Variants in RPN2 observed in about 807,000 individuals in gnomAD.
RPN2 encodes the protein ribophorin II, also known as dolichyl-diphosphooligosaccharide--protein glycosyltransferase subunit 2.
Under a neutral mutation model 71.4 loss-of-function variants are expected in RPN2, and 29 were observed. The ratio of observed to expected loss-of-function variants is 0.41; its 90% CI spans 0.30 to 0.55. The LOEUF (loss-of-function observed/expected upper bound fraction) is 0.55. Ranked by LOEUF, RPN2 falls within the 20% of genes least tolerant of loss-of-function variation. The pLI, the probability that RPN2 is intolerant of heterozygous loss-of-function variation, is 0.35. For missense variants in RPN2, 726 were observed against 774.1 expected, an observed-to-expected ratio of 0.94 and a Z score of 0.74; for synonymous variants, 308 against 305.0, an observed-to-expected ratio of 1.01 and a Z score of -0.10.
At chr20:37,201,059 C>T (rs989768651) in intron 4 of RPN2, among the ~76,000 whole-genome samples, 3 of 151,856 alleles carry the variant, frequency 2.0e-5, no homozygotes, top group Admixed American at 2.0e-4. Context: ...TGAGCCTTGC[C>T]TTTAAAATGA....
At chr20:37,229,869 C>G (rs1190994943) in intron 12 of RPN2, 104 bp from the exon 13 acceptor site, 1 of 906,326 alleles carries the variant, frequency 1.1e-6, no homozygotes, top group Admixed American at 1.8e-5. Context: ...CTGCCTGGAG[C>G]TTTTTTCAGT....
Position 37,213,807 on chromosome 20 carries a change from A to T in RPN2, c.1034A>T (p.Tyr345Phe), listed in dbSNP as rs200791201. ...NFMNVKFSSG[Y>F]YDFLVEVEGD... ...ATGAACGTCAAATTTTCCAGTGGTT[A>T]TTATGACTTCCTTGTCGAAGTTGAA... Residue 345 changes from tyrosine (Y) to phenylalanine (F), a missense_variant, in exon 9 of 17, where the codon TAT becomes TTT. Coordinates refer to ENST00000237530, the MANE Select transcript of RPN2 (RefSeq NM_002951.5). 4 of 1,614,052 alleles carry T rather than the reference A, an allele frequency of 2.5e-6. No homozygotes were observed. Among genetic ancestry groups the T allele is most frequent in the Non-Finnish European group, 3.4e-6 (4 of 1,180,006 alleles).
chr20:37,199,126 A>G lies in RPN2; in HGVS notation c.380A>G (p.His127Arg), dbSNP rs370382737. 5 of 1,614,152 alleles carry G rather than the reference A, an allele frequency of 3.1e-6. No homozygotes were observed. The South Asian group carries it at 3.3e-5, about 11-fold the overall frequency. ...SEDSSVTQIY[H>R]AVAALSGFGL... is the part of the protein sequence containing the mutation. The stretch of plus-strand genomic sequence containing the variant: ...GACTCATCTGTTACCCAGATCTACC[A>G]TGCAGTTGCAGCTCTAAGTGGCTTT... The change falls in exon 4 of 17, where the codon CAT (histidine) becomes CGT (arginine). Residue 127 changes from histidine (H) to arginine (R), a missense_variant. By Grantham distance (29) the His-to-Arg change is conservative. Coordinates refer to ENST00000237530, the MANE Select transcript of RPN2 (RefSeq NM_002951.5).
chr20:37,179,452 G>A lies in RPN2; in HGVS notation c.13+83G>A, dbSNP rs1205818797. 2.1e-6 allele frequency: 3 copies of A among 1,425,362 alleles called. No homozygotes were observed. In the Admixed American group the frequency reaches 7.6e-5, roughly 36 times the overall value. 88.3% of individuals were successfully genotyped at this position (1,425,362 alleles called of 1,614,324 possible). A position where few individuals can be genotyped will look rare whatever the true frequency, so the allele number is the denominator to read the frequency against. ...CGCCGCTCGAGAGCCGGCCAGGCGG[G>A]ATCCCCTTCCCCTGCGGGACAGGGG... On this transcript the variant is annotated intron_variant, in intron 1 of 16. Transcript: ENST00000237530.
At chr20:37,209,734 C>T (rs1433542359) in intron 7 of RPN2, among the ~76,000 whole-genome samples, 6 of 152,040 alleles carry the variant, frequency 3.9e-5, no homozygotes, top group Non-Finnish European at 7.4e-5. Context: ...CCTCCTGACT[C>T]AGCCTCCCAA....
chr20:37,220,177 G>A (rs2067915699), intron 9 of RPN2, among the ~76,000 whole-genome samples: 1 of 151,778 alleles, frequency 6.6e-6, no homozygotes. Context: ...TTAGAGGTGT[G>A]TGTGTTTGTG....
rs558720675 is a variant in RPN2 at position 37,212,131 on chromosome 20, A to G, written c.987-1629A>G. On this transcript the variant is annotated intron_variant, in intron 8 of 16. Coordinates refer to ENST00000237530, the MANE Select transcript of RPN2 (RefSeq NM_002951.5). ...TGTAATTTTTTAAAAACTAAGGCCC[A>G]GTTTACTGGGTGTGTGGCTTGCCTA... Among the ~76,000 whole-genome samples, 365 of 152,150 alleles carry G rather than the reference A, an allele frequency of 2.4e-3. 2 individuals carry two copies. Among genetic ancestry groups the G allele is most frequent in the African/African-American group, 8.4e-3 (348 of 41,524 alleles).
intron 2 of RPN2, among the ~76,000 whole-genome samples, chr20:37,185,521 C>G (rs978633477): frequency 3.3e-5 from 5 of 152,166 alleles, no homozygotes; most frequent in African/African-American, 1.2e-4. Flanking sequence ...CCAAGTTTCT[C>G]ATATCTGCCT....
intron 4 of RPN2, among the ~76,000 whole-genome samples, chr20:37,202,941 T>C (rs1223849773): frequency 2.0e-5 from 3 of 152,160 alleles, no homozygotes; most frequent in Non-Finnish European, 4.4e-5. Flanking sequence ...TCTATTTTTT[T>C]TGGAGACAGG....
At chr20:37,215,644 T>C (rs557138234) in intron 9 of RPN2, among the ~76,000 whole-genome samples, 8 of 152,300 alleles carry the variant, frequency 5.3e-5, no homozygotes, top group African/African-American at 1.9e-4. Flanking sequence ...TTCTACCTTC[T>C]AGTCAGTTAC....
chr20:37,238,544 C>T (rs981951220), intron 16 of RPN2: 8 of 880,094 alleles, frequency 9.1e-6, no homozygotes, highest in Non-Finnish European at 1.5e-5. Flanking sequence ...TTTCAGCCCA[C>T]TTGCTCCTCC....
intron 16 of RPN2, among the ~76,000 whole-genome samples, chr20:37,237,909 C>T (rs1261211086): frequency 6.6e-6 from 1 of 152,162 alleles, no homozygotes. Flanking sequence ...AGAATGAAAT[C>T]TGCCCGCCAT....
At chr20:37,213,909 A>G (rs2067741959) in intron 9 of RPN2, 44 bp downstream of exon 9, 1 of 1,379,970 alleles carries the variant, frequency 7.2e-7, no homozygotes, top group South Asian at 1.2e-5. Flanking sequence ...TAGTATATCC[A>G]AGGATATGGC....
At chr20:37,231,820 G>T (rs1467483173) in intron 13 of RPN2, among the ~76,000 whole-genome samples, 1 of 152,112 alleles carries the variant, frequency 6.6e-6, no homozygotes, top group Non-Finnish European at 1.5e-5. Flanking sequence ...CTGTAGGGAG[G>T]CTCTGTTACC....
intron 2 of RPN2, among the ~76,000 whole-genome samples, chr20:37,189,317 GTGTGTA>G (rs58699254): frequency 0.39 from 30,610 of 78,668 alleles, 3,533 homozygotes; most frequent in Middle Eastern, 0.52. Flanking sequence ...CAAACTGTGT[GTGTGTA>G]TGTGTGTGTG....
chr20:37,186,216 A>G (rs1568960058), intron 2 of RPN2, among the ~76,000 whole-genome samples: 1 of 152,270 alleles, frequency 6.6e-6, no homozygotes, highest in Non-Finnish European at 1.5e-5. Flanking sequence ...TTGTAAGGTC[A>G]GCTGACTTGG....
chr20:37,212,840 T>C (rs377442637), intron 8 of RPN2, among the ~76,000 whole-genome samples: 44 of 152,242 alleles, frequency 2.9e-4, no homozygotes, highest in African/African-American at 1.1e-3. Context: ...TTTTCAATTT[T>C]AGAGAGAAAA....
Position 37,225,725 on chromosome 20 carries a change from G to A in RPN2, c.1222G>A (p.Ala408Thr), listed in dbSNP as rs575988788. 5.0e-6 allele frequency: 8 copies of A among 1,614,116 alleles called. No homozygotes were observed. The highest frequency in any genetic ancestry group is 3.3e-5 in the South Asian group (3 of 91,074). ...YPAKAKGTFI[A>T]DSHQNFALFF... ...AGCCAAAGCCAAGGGCACATTCATC[G>A]CAGACAGCCACCAGAACTTCGCCTT... Residue 408 changes from alanine (A) to threonine (T), a missense_variant, in exon 11 of 17, where the codon GCA becomes ACA. Ala to Thr is a moderately conservative substitution (Grantham distance 58). Transcript: ENST00000237530.
rs1253200980 is a variant in RPN2 at position 37,241,300 on chromosome 20, C to G, written c.1884-3C>G. On this transcript the variant is annotated splice_polypyrimidine_tract_variant and splice_region_variant and intron_variant, in intron 16 of 16. Coordinates refer to ENST00000237530, the MANE Select transcript of RPN2 (RefSeq NM_002951.5). ...TTCTGTGTTTGTCTCCATTTTCTTT[C>G]AGAACAGCACATTAGTTCCAGAAGA... 1 of 1,612,026 alleles carries G rather than the reference C, an allele frequency of 6.2e-7. No homozygotes were observed.
Sources: allele counts gnomAD v4.1 joint callset (sites outside exome capture counted in the v4.1 genomes callset), GRCh38; gene constraint gnomAD v4.1.1; transcripts MANE v1.5; gene names NCBI Gene and HGNC (gene_info 2026-07-23, HGNC 2026-07-21).